The following CCDC117 variants were observed in gnomAD, a reference collection of about 807,000 sequenced individuals.
The protein encoded by CCDC117 is coiled-coil domain-containing protein 117.
CCDC117 carries 1 observed loss-of-function variant against 23.5 expected under a neutral mutation model. The observed-to-expected ratio is 0.04, with a 90% CI of 0.02 to 0.20. The LOEUF (loss-of-function observed/expected upper bound fraction) is 0.20, where lower values mean the gene tolerates loss of function less well. Ranked by LOEUF, CCDC117 falls within the 10% of genes least tolerant of loss-of-function variation. CCDC117 has a pLI of 1.00. For synonymous variants in CCDC117, 132 were observed against 124.8 expected, an observed-to-expected ratio of 1.06 and a Z score of -0.39; for missense variants, 383 against 348.2, an observed-to-expected ratio of 1.10 and a Z score of -0.80.
chr22:28,786,121 A>C lies in CCDC117; in HGVS notation c.635A>C (p.Lys212Thr). The C allele has an allele frequency of 6.2e-7, 1 of 1,613,686 alleles. No homozygotes were observed. The highest frequency in any genetic ancestry group is 8.5e-7 in the Non-Finnish European group (1 of 1,179,920). Reference sequence around the variant, plus strand: ...CCTTCCATGGAGCTTGTTCTCTGGAAACCCCTCCCTGAACTCCTTTCTGAT... The same window carrying C: ...CCTTCCATGGAGCTTGTTCTCTGGACACCCCTCCCTGAACTCCTTTCTGAT... Reference protein sequence around the residue: ...SRPSMELVLWKPLPELLSDKP... With the variant: ...SRPSMELVLWTPLPELLSDKP... Residue 212 changes from lysine (K) to threonine (T), a missense_variant, in exon 5 of 5, where the codon AAA becomes ACA. By Grantham distance (78) the Lys-to-Thr change is moderately conservative. Transcript: ENST00000249064.
rs570323800 is a variant in CCDC117 at position 28,782,744 on chromosome 22, G to T, written c.465-764G>T. Among the ~76,000 whole-genome samples the T allele has an allele frequency of 7.5e-4, 114 of 152,096 alleles. 2 individuals carry two copies. In the South Asian group the frequency reaches 0.022, roughly 30 times the overall value. On this transcript the variant is annotated intron_variant, in intron 3 of 4. Transcript: ENST00000249064. ...GAGCCATTGCACCCGGCCTTTTTTT[G>T]TATATTTAGTAGAGACAGGGTTTTG...
intron 1 of CCDC117, 88 bp downstream of exon 1, chr22:28,773,122 G>C (rs2146241776): frequency 1.7e-6 from 1 of 587,510 alleles, no homozygotes; most frequent in African/African-American, 2.0e-5. Flanking sequence ...GCAGGGGCGC[G>C]GGCTCCGCGC....
At position 28,787,953 on chromosome 22, in the gene CCDC117, C is replaced by T. The variant is rs971303949; in HGVS notation, c.*1627C>T. ...GCGTTTTTGGAACCCTTACTGAAAT[C>T]CCTCCCCTTGTTACAGATGGCGTAG... On this transcript the variant is annotated 3_prime_UTR_variant, in exon 5 of 5. Coordinates refer to ENST00000249064, the MANE Select transcript of CCDC117 (RefSeq NM_173510.4). 1.3e-5 allele frequency: 2 copies of T among 152,556 alleles called. No homozygotes were observed. The highest frequency in any genetic ancestry group is 4.8e-5 in the African/African-American group (2 of 41,434). The allele number at this position is 152,556 out of a possible 1,614,324, so 9.5% of individuals were successfully genotyped here.
chr22:28,776,650 T>TCTCAGCTCAGCACAAC (rs531308345), intron 2 of CCDC117, among the ~76,000 whole-genome samples: 80 of 151,166 alleles, frequency 5.3e-4, no homozygotes, highest in African/African-American at 1.9e-3. Context: ...AATGGTGCAA[T>TCTCAGCTCAGCACAAC]CTCAGCTCAG....
intron 3 of CCDC117, among the ~76,000 whole-genome samples, 158 bp downstream of exon 3, chr22:28,781,330 G>GTT (rs1404977996): frequency 1.6e-4 from 6 of 37,664 alleles, no homozygotes; most frequent in Non-Finnish European, 2.7e-4. Context: ...TTGTTTTTTT[G>GTT]TTTTGTTTTT....
Position 28,786,331 on chromosome 22 carries a change from C to A in CCDC117, c.*5C>A. 1 of 1,581,344 alleles carries A rather than the reference C, an allele frequency of 6.3e-7. No individual in the cohort carries two copies. The highest frequency in any genetic ancestry group is 8.7e-7 in the Non-Finnish European group (1 of 1,151,652). On this transcript the variant is annotated 3_prime_UTR_variant, in exon 5 of 5. Transcript: ENST00000249064. ...GAAGAAGAGATGGAACTCTAGAAACCAATTTCTACACTAAAGTTGTCAAAT... is the reference window on the plus strand; with the variant it reads ...GAAGAAGAGATGGAACTCTAGAAACAAATTTCTACACTAAAGTTGTCAAAT...
chr22:28,780,962 A>G lies in CCDC117; in HGVS notation c.254A>G (p.Lys85Arg). The change falls in exon 3 of 5, where the codon AAG becomes AGG. Residue 85 changes from lysine to arginine, a missense_variant. Lys to Arg is a conservative substitution (Grantham distance 26). Coordinates refer to ENST00000249064, the MANE Select transcript of CCDC117 (RefSeq NM_173510.4). ...CTTTTTTTCAGTTGTCCAGTAAGAAAGAAAAGGATAACTGAAGCAGAGCTC... is the reference window on the plus strand; with the variant it reads ...CTTTTTTTCAGTTGTCCAGTAAGAAGGAAAAGGATAACTGAAGCAGAGCTC... ...EEEDDDCPVR[K>R]KRITEAELCA... The G allele has an allele frequency of 1.2e-6, 2 of 1,611,838 alleles. No individual in the cohort carries two copies. The highest frequency in any genetic ancestry group is 1.7e-6 in the Non-Finnish European group (2 of 1,178,526).
At chr22:28,781,207 G>A in intron 3 of CCDC117, 35 bp downstream of exon 3, 1 of 1,323,398 alleles carries the variant, frequency 7.6e-7, no homozygotes, top group Non-Finnish European at 1.1e-6. Flanking sequence ...GTTTTTTGCT[G>A]TTCTCTTGTA....
chr22:28,777,068 TC>T (rs1263080621), intron 2 of CCDC117, among the ~76,000 whole-genome samples: 1 of 145,634 alleles, frequency 6.9e-6, no homozygotes, highest in African/African-American at 2.6e-5. Context: ...GGCATCTTGC[TC>T]TGTTGTCCAG....
At chr22:28,785,073 G>C (rs565068174) in intron 4 of CCDC117, among the ~76,000 whole-genome samples, 2 of 151,774 alleles carry the variant, frequency 1.3e-5, no homozygotes, top group South Asian at 4.2e-4. Flanking sequence ...CCCAGCCAAG[G>C]GTATCTCATT....
At position 28,772,718 on chromosome 22, in the gene CCDC117, T is replaced by C; in HGVS notation, c.-132T>C. On this transcript the variant is annotated 5_prime_UTR_variant, in exon 1 of 5. Coordinates refer to ENST00000249064, the MANE Select transcript of CCDC117 (RefSeq NM_173510.4). The stretch of plus-strand genomic sequence containing the variant: ...CCGAGCGGCCTGAGGTGGAGGGTTC[T>C]AGAAGGCGTGACGTGGGGTCGAGAG... The C allele has an allele frequency of 2.9e-6, 2 of 686,144 alleles. No individual in the cohort carries two copies. Among genetic ancestry groups the C allele is most frequent in the Non-Finnish European group, 4.0e-6 (2 of 498,498 alleles). The allele number at this position is 686,144 out of a possible 1,614,324, so 42.5% of individuals were successfully genotyped here.
intron 2 of CCDC117, among the ~76,000 whole-genome samples, chr22:28,778,979 T>C (rs962991075): frequency 6.6e-6 from 1 of 152,136 alleles, no homozygotes. Flanking sequence ...GTGGGGAAAT[T>C]ACCTGTTCCC....
intron 2 of CCDC117, among the ~76,000 whole-genome samples, chr22:28,775,761 G>A (rs945757234): frequency 6.6e-6 from 1 of 152,050 alleles, no homozygotes; most frequent in East Asian, 1.9e-4. Context: ...GCCAGGTGCG[G>A]TGGCAGGTGT....
At chr22:28,782,577 T>TG (rs1183629481) in intron 3 of CCDC117, among the ~76,000 whole-genome samples, 1 of 151,996 alleles carries the variant, frequency 6.6e-6, no homozygotes, top group African/African-American at 2.4e-5. Flanking sequence ...TAGCTGGGAT[T>TG]GCAGGTGCCT....
rs1458613470 is a variant in CCDC117 at position 28,772,706 on chromosome 22, G to A, written c.-144G>A. ...CCCGGCATGCCCCCGAGCGGCCTGAGGTGGAGGGTTCTAGAAGGCGTGACG... is the reference window on the plus strand; with the variant it reads ...CCCGGCATGCCCCCGAGCGGCCTGAAGTGGAGGGTTCTAGAAGGCGTGACG... On this transcript the variant is annotated 5_prime_UTR_variant, in exon 1 of 5. Coordinates refer to ENST00000249064, the MANE Select transcript of CCDC117 (RefSeq NM_173510.4). 4 of 574,674 alleles carry A rather than the reference G, an allele frequency of 7.0e-6. No homozygotes were observed. The highest frequency in any genetic ancestry group is 3.8e-5 in the East Asian group (1 of 26,038). 35.6% of individuals were successfully genotyped at this position (574,674 alleles called of 1,614,324 possible). A position where few individuals can be genotyped will look rare whatever the true frequency, so the allele number is the denominator to read the frequency against.
chr22:28,783,413 A>T, intron 3 of CCDC117, 95 bp from the exon 4 acceptor site: 1 of 1,230,706 alleles, frequency 8.1e-7, no homozygotes, highest in Non-Finnish European at 1.1e-6. Context: ...TACTGCTTTT[A>T]TCCTTTTTTA....
At chr22:28,779,887 G>A (rs1336974473) in intron 2 of CCDC117, among the ~76,000 whole-genome samples, 1 of 152,186 alleles carries the variant, frequency 6.6e-6, no homozygotes, top group African/African-American at 2.4e-5. Context: ...TTTGGTCTAC[G>A]TACATAATAG....
rs2031512369 is a variant in CCDC117 at position 28,786,407 on chromosome 22, C to G, written c.*81C>G. ...TGAGACTCTTTGCATAGTATAGGGA[C>G]TTGAAAGTTTTATGAGACGGGTGTA... On this transcript the variant is annotated 3_prime_UTR_variant, in exon 5 of 5. Transcript: ENST00000249064. 5 of 976,820 alleles carry G rather than the reference C, an allele frequency of 5.1e-6. No individual in the cohort carries two copies. The highest frequency in any genetic ancestry group is 7.7e-6 in the Non-Finnish European group (5 of 651,228). The allele number at this position is 976,820 out of a possible 1,614,324, so 60.5% of individuals were successfully genotyped here.
In CCDC117 at chr22:28,781,034, A is replaced by T. The variant is rs770846033; in HGVS notation, c.326A>T (p.Glu109Val). 6.2e-7 allele frequency: 1 copy of T among 1,613,904 alleles called. No individual in the cohort carries two copies. Among genetic ancestry groups the T allele is most frequent in the Admixed American group, 1.7e-5 (1 of 59,960 alleles). ...ATTCTTTGTGCACATCAGGATGTAG[A>T]GGGGCATGGAGTAAATCCCAGTGTT... ...DWILCAHQDVEGHGVNPSVSG... is the reference protein window; with the variant it reads ...DWILCAHQDVVGHGVNPSVSG... Residue 109 changes from glutamate (E) to valine (V), a missense_variant, in exon 3 of 5, where the codon GAG becomes GTG. Physicochemically the swap from Glu to Val is moderately radical, Grantham distance 121. Transcript: ENST00000249064.
Sources: gnomAD v4.1 joint callset for allele counts (sites outside exome capture counted in the v4.1 genomes callset) on GRCh38, gnomAD v4.1.1 for gene constraint, MANE v1.5 for transcripts, NCBI Gene and HGNC (gene_info 2026-07-23, HGNC 2026-07-21) for gene names.